The following PRKAR1A variants were observed in gnomAD, a reference collection of about 807,000 sequenced individuals.
PRKAR1A encodes the protein cAMP-dependent protein kinase type I-alpha regulatory subunit.
Under a neutral mutation model 52.0 loss-of-function variants are expected in PRKAR1A, and 3 were observed. The ratio of observed to expected loss-of-function variants is 0.06; its 90% CI spans 0.03 to 0.15. The LOEUF is 0.15. Ranked by LOEUF, PRKAR1A falls within the 10% of genes least tolerant of loss-of-function variation. The pLI, the probability that PRKAR1A is intolerant of heterozygous loss-of-function variation, is 1.00. For synonymous variants in PRKAR1A, 188 were observed against 168.4 expected (o/e 1.12, Z -0.90); for missense variants, 240 against 477.4 (o/e 0.50, Z 4.63).
rs199793086 is a variant in PRKAR1A at position 68,548,641 on chromosome 17, G to A, written c.974-2443G>A. On this transcript the variant is annotated intron_variant, in intron 11 of 11. Coordinates refer to the PRKAR1A transcript ENST00000585981. ...CGATAGACTTGCTTGATGCAGGGTT[G>A]CCACAAGCCTTCACTTTGTAAAAAA... Among the ~76,000 whole-genome samples the A allele has an allele frequency of 9.2e-5, 14 of 151,482 alleles. No individual in the cohort carries two copies. The East Asian group carries it at 2.7e-3, about 29-fold the overall frequency.
At chr17:68,488,626 G>A in the PRKAR1A span, among the ~76,000 whole-genome samples, 1 of 151,722 alleles carries the variant, frequency 6.6e-6, no homozygotes, top group Admixed American at 6.6e-5. Context: ...AGCTACTTGG[G>A]AGGCTGAGGC....
the PRKAR1A span, among the ~76,000 whole-genome samples, chr17:68,447,361 GTTC>G: frequency 0.036 from 5,452 of 152,156 alleles, 333 homozygotes; most frequent in African/African-American, 0.12. Context: ...ATTCCTAAGT[GTTC>G]TTCTTTTTTA....
chr17:68,484,782 A>G, the PRKAR1A span, among the ~76,000 whole-genome samples: 2 of 152,230 alleles, frequency 1.3e-5, no homozygotes, highest in Non-Finnish European at 2.9e-5. Flanking sequence ...TTCCATCCCG[A>G]CAGAGAAAGC....
At chr17:68,419,212 G>A in the PRKAR1A span, among the ~76,000 whole-genome samples, 1 of 151,964 alleles carries the variant, frequency 6.6e-6, no homozygotes, top group Non-Finnish European at 1.5e-5. Context: ...TCAAGAAATC[G>A]ATTTTCAAAA....
At chr17:68,501,862 T>G in the PRKAR1A span, among the ~76,000 whole-genome samples, 1 of 152,236 alleles carries the variant, frequency 6.6e-6, no homozygotes, top group Non-Finnish European at 1.5e-5. Flanking sequence ...GAACCCTTGC[T>G]GCTTCTTCCT....
intron 1 of PRKAR1A, chr17:68,513,250 C>T (rs2085326141): frequency 6.6e-6 from 1 of 152,242 alleles, no homozygotes. Flanking sequence ...CATTTTCCTG[C>T]CCTTCTTCTA....
chr17:68,465,625 ATTTTTT>A, the PRKAR1A span, among the ~76,000 whole-genome samples: 4 of 67,188 alleles, frequency 6.0e-5, no homozygotes, highest in East Asian at 3.8e-4. Context: ...ACGCCCAGCA[ATTTTTT>A]TTTTTTTTTT....
At chr17:68,493,465 C>G in the PRKAR1A span, among the ~76,000 whole-genome samples, 3 of 152,162 alleles carry the variant, frequency 2.0e-5, no homozygotes, top group Admixed American at 1.3e-4. Context: ...TGATTCCCCC[C>G]GCACGTGTTC....
chr17:68,517,989 G>A (rs1277449756), intron 2 of PRKAR1A, among the ~76,000 whole-genome samples: 3 of 152,164 alleles, frequency 2.0e-5, no homozygotes, highest in Non-Finnish European at 4.4e-5. Context: ...GAAATCCAAC[G>A]AGGCAGTAAT....
chr17:68,420,554 C>G, the PRKAR1A span: 1 of 1,421,252 alleles, frequency 7.0e-7, no homozygotes, highest in Non-Finnish European at 9.7e-7. Flanking sequence ...CAAACACACG[C>G]TTTAGTTTAG....
chr17:68,438,706 T>C, the PRKAR1A span, among the ~76,000 whole-genome samples: 2 of 152,240 alleles, frequency 1.3e-5, no homozygotes, highest in South Asian at 4.1e-4. Context: ...GTTCAAGCGA[T>C]TCTCCTGTCT....
intron 1 of PRKAR1A, 99 bp from the exon 2 acceptor site, chr17:68,515,295 C>A: frequency 7.3e-7 from 1 of 1,369,016 alleles, no homozygotes; most frequent in Non-Finnish European, 1.0e-6. Context: ...AGAAAAAAAT[C>A]CCTGTGAATC....
intron 10 of PRKAR1A, 53 bp from the exon 11 acceptor site, chr17:68,530,224 A>G: frequency 6.3e-7 from 1 of 1,594,910 alleles, no homozygotes; most frequent in Non-Finnish European, 8.6e-7. Flanking sequence ...GCACTGCTTT[A>G]AGGAAATGTT....
chr17:68,506,123 G>C, the PRKAR1A span, among the ~76,000 whole-genome samples: 1 of 152,174 alleles, frequency 6.6e-6, no homozygotes, highest in Non-Finnish European at 1.5e-5. Context: ...CTGAGAAGTT[G>C]CCACAGTGCC....
At chr17:68,414,230 T>C in the PRKAR1A span, 1 of 152,276 alleles carries the variant, frequency 6.6e-6, no homozygotes, top group South Asian at 2.1e-4. Context: ...CATAAAGCGA[T>C]GCTGGATTTT....
At chr17:68,435,749 G>A in the PRKAR1A span, 12 of 1,591,224 alleles carry the variant, frequency 7.5e-6, no homozygotes, top group Middle Eastern at 1.7e-4. Context: ...CAGATGCTGC[G>A]GAGGAGGGAA....
chr17:68,522,648 A>T, intron 2 of PRKAR1A, 108 bp from the exon 3 acceptor site: 1 of 1,237,058 alleles, frequency 8.1e-7, no homozygotes. Flanking sequence ...TTACATTGTT[A>T]ATGGAAGAAG....
In PRKAR1A at chr17:68,530,822, C is replaced by T; in HGVS notation, c.*373C>T. ...TTTTTTTTTTAAGTGACATAATTGTCCAGTTATAAGCGTATTTAGACTGTG... is the reference window on the plus strand; with the variant it reads ...TTTTTTTTTTAAGTGACATAATTGTTCAGTTATAAGCGTATTTAGACTGTG... On this transcript the variant is annotated 3_prime_UTR_variant, in exon 11 of 11. Coordinates refer to ENST00000589228, the MANE Select transcript of PRKAR1A (RefSeq NM_002734.5). 1 of 1,243,590 alleles carries T rather than the reference C, an allele frequency of 8.0e-7. No individual in the cohort carries two copies. Among genetic ancestry groups the T allele is most frequent in the Non-Finnish European group, 1.0e-6 (1 of 980,974 alleles). The allele number at this position is 1,243,590 out of a possible 1,614,324, so 77.0% of individuals were successfully genotyped here.
At chr17:68,524,996 AAGCC>A in intron 6 of PRKAR1A, 38 bp downstream of exon 6, 1 of 1,518,782 alleles carries the variant, frequency 6.6e-7, no homozygotes. Context: ...TTGATCTTAA[AAGCC>A]AATGTATTGA....
Sources: gnomAD v4.1 joint callset for allele counts (sites outside exome capture counted in the v4.1 genomes callset) on GRCh38, gnomAD v4.1.1 for gene constraint, MANE v1.5 for transcripts, NCBI Gene and HGNC (gene_info 2026-07-23, HGNC 2026-07-21) for gene names.